Variants in FAM117B observed in about 807,000 individuals in gnomAD.
FAM117B encodes the protein protein FAM117B.
A neutral mutation model predicts 52.8 loss-of-function variants in FAM117B; 22 were observed. The ratio of observed to expected loss-of-function variants is 0.42; its 90% CI spans 0.30 to 0.59. The LOEUF is 0.59. Ranked by LOEUF, FAM117B falls within the 20% of genes least tolerant of loss-of-function variation. The pLI is 0.22. For missense variants in FAM117B, 678 were observed against 802.6 expected (o/e 0.84, Z 1.88); for synonymous variants, 309 against 324.1 (o/e 0.95, Z 0.50).
intron 4 of FAM117B, among the ~76,000 whole-genome samples, chr2:202,729,938 G>A (rs1180459324): frequency 6.6e-6 from 1 of 152,112 alleles, no homozygotes; most frequent in African/African-American, 2.4e-5. Context: ...GATATAGAAC[G>A]AATTGGGAAG....
In FAM117B at chr2:202,708,505, G is replaced by A. The variant is rs185346299; in HGVS notation, c.753+12473G>A. ...TGGATATTTCTACACCTCTGCTATT[G>A]TGAATAGCGCCGCAGTGAACATGTG... On this transcript the variant is annotated intron_variant, in intron 2 of 7. Transcript: ENST00000392238. 9.5e-4 allele frequency among the ~76,000 whole-genome samples: 145 copies of A among 152,152 alleles called. 1 individual carries two copies. Among genetic ancestry groups the A allele is most frequent in the Non-Finnish European group, 1.7e-3 (113 of 68,006 alleles).
At chr2:202,760,646 G>A (rs1344290874) in intron 7 of FAM117B, among the ~76,000 whole-genome samples, 1 of 152,018 alleles carries the variant, frequency 6.6e-6, no homozygotes, top group Non-Finnish European at 1.5e-5. Flanking sequence ...ATAAGGGTAG[G>A]GTTGTCACAG....
chr2:202,747,218 A>C (rs1691648059), intron 4 of FAM117B, among the ~76,000 whole-genome samples: 1 of 152,204 alleles, frequency 6.6e-6, no homozygotes, highest in African/African-American at 2.4e-5. Context: ...CATGTGATAA[A>C]ATTCAGCACT....
intron 2 of FAM117B, among the ~76,000 whole-genome samples, chr2:202,705,055 C>T (rs1257818592): frequency 6.6e-6 from 1 of 151,942 alleles, no homozygotes; most frequent in East Asian, 1.9e-4. Flanking sequence ...ACCTGTAATC[C>T]CAGCACTTTG....
chr2:202,679,025 A>G (rs1690423960), intron 1 of FAM117B, among the ~76,000 whole-genome samples: 1 of 152,222 alleles, frequency 6.6e-6, no homozygotes, highest in African/African-American at 2.4e-5. Context: ...AAATAATTTA[A>G]TAACTCCTAT....
In FAM117B at chr2:202,755,441, T is replaced by C; in HGVS notation, c.961-97T>C. The C allele has an allele frequency of 2.1e-6, 3 of 1,454,886 alleles. No homozygotes were observed. In the South Asian group the frequency reaches 4.2e-5, roughly 20 times the overall value. 90.1% of individuals were successfully genotyped at this position (1,454,886 alleles called of 1,614,324 possible). On this transcript the variant is annotated intron_variant, in intron 4 of 7. Coordinates refer to ENST00000392238, the MANE Select transcript of FAM117B (RefSeq NM_173511.4). The stretch of plus-strand genomic sequence containing the variant: ...TTTTTGTGAGGCCTGTAAACTTTGA[T>C]TTATTTTTGAGTTACTTATGTCTGT...
chr2:202,712,676 G>C (rs1690976964), intron 2 of FAM117B, among the ~76,000 whole-genome samples: 1 of 152,026 alleles, frequency 6.6e-6, no homozygotes, highest in African/African-American at 2.4e-5. Context: ...TATGACACTA[G>C]CTATGGGTCT....
At chr2:202,645,334 G>A (rs1485858230) in intron 1 of FAM117B, among the ~76,000 whole-genome samples, 1 of 151,598 alleles carries the variant, frequency 6.6e-6, no homozygotes, top group Non-Finnish European at 1.5e-5. Context: ...TGTCGCCCAG[G>A]CTGGAGTGCA....
intron 4 of FAM117B, among the ~76,000 whole-genome samples, chr2:202,744,512 A>C (rs1010165270): frequency 6.6e-6 from 1 of 152,198 alleles, no homozygotes; most frequent in Non-Finnish European, 1.5e-5. Context: ...TTTCAACATG[A>C]GGTTTGGAGG....
chr2:202,643,555 G>T (rs780626628), intron 1 of FAM117B, among the ~76,000 whole-genome samples: 1 of 151,684 alleles, frequency 6.6e-6, no homozygotes, highest in Non-Finnish European at 1.5e-5. Flanking sequence ...TTTAAACTAC[G>T]TGTGCATAAT....
chr2:202,687,484 A>C (rs957403199), intron 1 of FAM117B, among the ~76,000 whole-genome samples: 11 of 152,254 alleles, frequency 7.2e-5, no homozygotes, highest in African/African-American at 2.6e-4. Flanking sequence ...ATCATAGCTC[A>C]CTCCGACCTT....
In FAM117B at chr2:202,759,392, A is replaced by C. The variant is rs370474225; in HGVS notation, c.1451+39A>C. 2.5e-6 allele frequency: 4 copies of C among 1,594,120 alleles called. No individual in the cohort carries two copies. The East Asian group carries it at 9.0e-5, about 36-fold the overall frequency. On this transcript the variant is annotated intron_variant, in intron 7 of 7. Transcript: ENST00000392238. Reference sequence around the variant, plus strand: ...CCACCATCCCCACAAAAAAACTATTATGAGCTTTTTTTTTTGAGATAGGAT... The same window carrying C: ...CCACCATCCCCACAAAAAAACTATTCTGAGCTTTTTTTTTTGAGATAGGAT...
chr2:202,760,885 T>A (rs756721967), intron 7 of FAM117B, among the ~76,000 whole-genome samples: 1 of 152,204 alleles, frequency 6.6e-6, no homozygotes, highest in Non-Finnish European at 1.5e-5. Context: ...AATGTACTTT[T>A]TTGGAGTTGT....
At chr2:202,645,130 A>ATATATTTTCTTTTAAATAT (rs1689840154) in intron 1 of FAM117B, among the ~76,000 whole-genome samples, 1 of 151,790 alleles carries the variant, frequency 6.6e-6, no homozygotes, top group Admixed American at 6.6e-5. Context: ...TATTTTTCAA[A>ATATATTTTCTTTTAAATAT]ATTTCAAAAT....
intron 4 of FAM117B, among the ~76,000 whole-genome samples, chr2:202,747,433 G>A (rs772203857): frequency 4.6e-5 from 7 of 151,710 alleles, no homozygotes; most frequent in Non-Finnish European, 8.8e-5. Context: ...AGAGCAACCA[G>A]ATGAAAGAAA....
chr2:202,727,769 T>C (rs961551169), intron 4 of FAM117B, among the ~76,000 whole-genome samples: 1 of 152,170 alleles, frequency 6.6e-6, no homozygotes, highest in African/African-American at 2.4e-5. Context: ...ACAGAGACTG[T>C]CTGGTTCACG....
At chr2:202,669,932 T>C (rs954334925) in intron 1 of FAM117B, among the ~76,000 whole-genome samples, 1 of 152,218 alleles carries the variant, frequency 6.6e-6, no homozygotes, top group African/African-American at 2.4e-5. Flanking sequence ...CATAGATAGA[T>C]GTGGCCACAA....
At chr2:202,732,826 GTAAATAAATAAATAAA>G (rs71406995) in intron 4 of FAM117B, among the ~76,000 whole-genome samples, 2 of 141,068 alleles carry the variant, frequency 1.4e-5, no homozygotes, top group African/African-American at 5.4e-5. Flanking sequence ...ATCTCAATAA[GTAAATAAATAAATAAA>G]TAAATAAATA....
chr2:202,758,919 G>T (rs1483479110), intron 6 of FAM117B, among the ~76,000 whole-genome samples: 1 of 152,206 alleles, frequency 6.6e-6, no homozygotes, highest in Non-Finnish European at 1.5e-5. Flanking sequence ...AACCATTTCA[G>T]ATATTTGTAC....
Sources: gnomAD v4.1 joint callset for allele counts (sites outside exome capture counted in the v4.1 genomes callset) on GRCh38, gnomAD v4.1.1 for gene constraint, MANE v1.5 for transcripts, NCBI Gene and HGNC (gene_info 2026-07-23, HGNC 2026-07-21) for gene names.